COG5: variants seen among roughly 807,000 people sequenced by gnomAD.
COG5 encodes the protein component of oligomeric golgi complex 5, also known as conserved oligomeric Golgi complex subunit 5.
In COG5, 86 loss-of-function variants were observed where a neutral mutation model predicts 110.4. That is an observed-to-expected ratio of 0.78 (90% confidence interval 0.65 to 0.93). The LOEUF is 0.93. COG5 is among the 40% of genes least tolerant of loss of function. The pLI is 0.00. For missense variants in COG5, 1,077 were observed against 987.0 expected (o/e 1.09, Z -1.22); for synonymous variants, 360 against 334.6 (o/e 1.08, Z -0.83).
At chr7:107,430,271 A>T (rs1171798058) in intron 6 of COG5, among the ~76,000 whole-genome samples, 1 of 152,180 alleles carries the variant, frequency 6.6e-6, no homozygotes, top group Non-Finnish European at 1.5e-5. Flanking sequence ...TTTGCATGGT[A>T]TGAGGAAGTG....
rs1802215522 is a variant in COG5, at chr7:107,248,433, C to A, written c.1816G>T (p.Ala606Ser). The change falls in exon 17 of 22, where the codon GCC becomes TCC. Residue 606 changes from alanine to serine, a missense_variant. Physicochemically the swap from Ala to Ser is moderately conservative, Grantham distance 99. Transcript: ENST00000297135. The stretch of plus-strand genomic sequence containing the variant: ...TCTTGATGCATGGTGATGATTATGG[C>A]CTCTATAGCATCTCCCACAGAAGTG... Reference protein sequence around the residue: ...LLTSVGDAIEAIIITMHQEDF... With the variant: ...LLTSVGDAIESIIITMHQEDF... The A allele has an allele frequency of 6.2e-7, 1 of 1,611,944 alleles. No homozygotes were observed. The highest frequency in any genetic ancestry group is 1.3e-5 in the African/African-American group (1 of 74,522).
chr7:107,361,072 G>A (rs1813073379), intron 10 of COG5, among the ~76,000 whole-genome samples: 2 of 152,274 alleles, frequency 1.3e-5, no homozygotes, highest in South Asian at 2.1e-4. Flanking sequence ...TTAATATTGT[G>A]GACTTACAAA....
chr7:107,405,063 A>C (rs920938324), intron 7 of COG5, among the ~76,000 whole-genome samples: 1 of 152,292 alleles, frequency 6.6e-6, no homozygotes, highest in East Asian at 1.9e-4. Flanking sequence ...CAATATAATT[A>C]TTTAATAAAG....
At chr7:107,461,946 G>A (rs1034851509) in intron 6 of COG5, among the ~76,000 whole-genome samples, 1 of 152,106 alleles carries the variant, frequency 6.6e-6, no homozygotes, top group Non-Finnish European at 1.5e-5. Flanking sequence ...CAATACAAAG[G>A]TGTGAATGTT....
intron 11 of COG5, among the ~76,000 whole-genome samples, chr7:107,299,360 T>C (rs1807042051): frequency 1.3e-5 from 2 of 152,200 alleles, no homozygotes; most frequent in South Asian, 4.1e-4. Flanking sequence ...TATTACAAAA[T>C]ATTCTGCAGA....
At chr7:107,278,146 A>G (rs892429488) in intron 14 of COG5, among the ~76,000 whole-genome samples, 1 of 152,078 alleles carries the variant, frequency 6.6e-6, no homozygotes, top group Non-Finnish European at 1.5e-5. Context: ...TTTGCAAGTC[A>G]CTCTTTCTGA....
At chr7:107,320,416 T>A (rs1809155113) in intron 11 of COG5, among the ~76,000 whole-genome samples, 1 of 152,192 alleles carries the variant, frequency 6.6e-6, no homozygotes, top group African/African-American at 2.4e-5. Context: ...CATTCAAACA[T>A]CCATGGAAAA....
At position 107,380,984 on chromosome 7, in the gene COG5, C is replaced by T. The variant is rs144939544; in HGVS notation, c.670-8224G>A. Among the ~76,000 whole-genome samples, 222 of 151,982 alleles carry T rather than the reference C, an allele frequency of 1.5e-3. 2 individuals carry two copies. The highest frequency in any genetic ancestry group is 4.9e-3 in the African/African-American group (204 of 41,456). The stretch of plus-strand genomic sequence containing the variant: ...CCCTGATCAAGTTGGCTTCCACATA[C>T]GTAAATCAATAAATGTAATCCATCA... On this transcript the variant is annotated intron_variant, in intron 7 of 21. Transcript: ENST00000297135.
intron 19 of COG5, among the ~76,000 whole-genome samples, chr7:107,218,659 A>G (rs187211652): frequency 2.2e-3 from 330 of 152,264 alleles, no homozygotes; most frequent in Admixed American, 3.7e-3. Context: ...CTAAAGAAGA[A>G]TAATTTGGAC....
At chr7:107,504,398 T>C (rs1288730793) in intron 6 of COG5, among the ~76,000 whole-genome samples, 2 of 152,178 alleles carry the variant, frequency 1.3e-5, no homozygotes, top group Non-Finnish European at 2.9e-5. Context: ...ATTTGGTTAG[T>C]TAGTATTTTG....
chr7:107,465,505 TTAAGA>T (rs1796244523), intron 6 of COG5, among the ~76,000 whole-genome samples: 1 of 152,152 alleles, frequency 6.6e-6, no homozygotes, highest in Non-Finnish European at 1.5e-5. Context: ...CTCAATACTG[TTAAGA>T]TGTCATTTCT....
At chr7:107,563,646 AG>A (rs1563104238) in intron 1 of COG5, 156 bp downstream of exon 1, 4 of 795,886 alleles carry the variant, frequency 5.0e-6, no homozygotes, top group Non-Finnish European at 8.7e-6. Flanking sequence ...TAGGTTGGCT[AG>A]AACAGTACCC....
chr7:107,378,650 C>T (rs557199320), intron 7 of COG5, among the ~76,000 whole-genome samples: 2 of 152,062 alleles, frequency 1.3e-5, no homozygotes, highest in Admixed American at 6.5e-5. Context: ...ACAGCCGAAA[C>T]GATCAAGCGG....
chr7:107,337,667 G>A (rs1428435124), intron 10 of COG5, among the ~76,000 whole-genome samples: 1 of 152,008 alleles, frequency 6.6e-6, no homozygotes, highest in African/African-American at 2.4e-5. Context: ...TTTGGGTGGG[G>A]GAGAAAGTGG....
intron 6 of COG5, among the ~76,000 whole-genome samples, chr7:107,417,361 T>G (rs1267695880): frequency 6.6e-6 from 1 of 152,324 alleles, no homozygotes; most frequent in East Asian, 1.9e-4. Context: ...TCTTCTTTAT[T>G]AACTTAATGT....
chr7:107,525,511 T>C (rs934779955), intron 6 of COG5, among the ~76,000 whole-genome samples: 3 of 152,036 alleles, frequency 2.0e-5, no homozygotes, highest in Admixed American at 6.6e-5. Flanking sequence ...TAGATAATAC[T>C]GTGAAAACAA....
At chr7:107,361,704 G>A (rs1305705735) in intron 10 of COG5, among the ~76,000 whole-genome samples, 2 of 152,118 alleles carry the variant, frequency 1.3e-5, no homozygotes, top group East Asian at 3.9e-4. Flanking sequence ...TGGGACTACA[G>A]GCATATGCCA....
intron 16 of COG5, among the ~76,000 whole-genome samples, chr7:107,256,436 T>C (rs1397226226): frequency 3.3e-5 from 5 of 152,138 alleles, no homozygotes; most frequent in African/African-American, 1.2e-4. Flanking sequence ...ACCACTGCTC[T>C]ACTGGAATAA....
chr7:107,563,684 TG>T, intron 1 of COG5, 118 bp downstream of exon 1: 1 of 1,132,264 alleles, frequency 8.8e-7, no homozygotes, highest in Non-Finnish European at 1.3e-6. Flanking sequence ...CGGAGGGGAG[TG>T]GTCACGTCCA....
Sources: allele counts gnomAD v4.1 joint callset (sites outside exome capture counted in the v4.1 genomes callset), GRCh38; gene constraint gnomAD v4.1.1; transcripts MANE v1.5; gene names NCBI Gene and HGNC (gene_info 2026-07-23, HGNC 2026-07-21).